MCOLN1: variants seen among roughly 807,000 people sequenced by gnomAD.
MCOLN1 encodes the protein mucolipin-1.
MCOLN1 carries 50 observed loss-of-function variants against 70.3 expected under a neutral mutation model. That is an observed-to-expected ratio of 0.71 (90% CI 0.57 to 0.90). The LOEUF is 0.90. MCOLN1 is among the 40% of genes least tolerant of loss of function. The pLI is 0.00. For missense variants in MCOLN1, 598 were observed against 803.5 expected (o/e 0.74, Z 3.09); for synonymous variants, 366 against 341.0 (o/e 1.07, Z -0.81).
rs1276726848 is a variant in MCOLN1, at chr19:7,529,092, C to G, written c.1135-9C>G. On this transcript the variant is annotated splice_polypyrimidine_tract_variant and intron_variant, in intron 9 of 13. Transcript: ENST00000264079. ...GGGCCAGATAGGTTGACGCAGCTCC[C>G]ACCCGCAGAACTTGGCGAGCTACGA... The G allele has an allele frequency of 1.2e-6, 2 of 1,613,766 alleles. No individual in the cohort carries two copies. The highest frequency in any genetic ancestry group is 3.3e-5 in the Admixed American group (2 of 60,002).
In MCOLN1 at chr19:7,528,658, C is replaced by T. The variant is rs970882029; in HGVS notation, c.939C>T (p.Phe313=). 6.2e-7 allele frequency: 1 copy of T among 1,614,232 alleles called. No individual in the cohort carries two copies. Among genetic ancestry groups the T allele is most frequent in the Middle Eastern group, 1.6e-4 (1 of 6,062 alleles). The change falls in exon 8 of 14, where the codon TTC becomes TTT. Residue 313 remains phenylalanine (F), a synonymous_variant. Transcript: ENST00000264079. The surrounding 1 kb of genome is among the most constrained non-coding windows in gnomAD (Gnocchi z 4.2). ...VVVILTCSLS[F]LLCARSLLRG... is the part of the protein sequence containing the mutation. ...TCATCCTCACCTGCTCCCTGTCCTT[C>T]CTCCTCTGCGCCCGCTCACTCCTTC...
rs981774676 is a variant in MCOLN1, at chr19:7,524,338, G to A, written c.32-623G>A. On this transcript the variant is annotated intron_variant, in intron 1 of 13. Transcript: ENST00000264079. This position sits in a 1 kb window ranked among gnomAD's most constrained non-coding sequence, Gnocchi z 4.1. ...AATGTGTTCCATTATTATTACTTATGTTGTCAATTACCTCTTCTCCAGGTC... is the reference window on the plus strand; with the variant it reads ...AATGTGTTCCATTATTATTACTTATATTGTCAATTACCTCTTCTCCAGGTC... 2.0e-5 allele frequency among the ~76,000 whole-genome samples: 3 copies of A among 152,192 alleles called. No individual in the cohort carries two copies. The highest frequency in any genetic ancestry group is 4.8e-5 in the African/African-American group (2 of 41,448).
chr19:7,532,494 C>T (rs1238941407), intron 12 of MCOLN1, among the ~76,000 whole-genome samples: 1 of 152,052 alleles, frequency 6.6e-6, no homozygotes, highest in East Asian at 1.9e-4. Context: ...GGGGGTGGAT[C>T]ACCTGAGGTT....
intron 11 of MCOLN1, among the ~76,000 whole-genome samples, 193 bp downstream of exon 11, chr19:7,529,905 C>T (rs1438157214): frequency 6.6e-6 from 1 of 152,214 alleles, no homozygotes; most frequent in Non-Finnish European, 1.5e-5. Context: ...CTGAATTACT[C>T]CCCTCCTGCT....
Position 7,522,792 on chromosome 19 carries a change from G to T in MCOLN1, c.31+11G>T. The T allele has an allele frequency of 7.5e-7, 1 of 1,334,814 alleles. No homozygotes were observed. The highest frequency in any genetic ancestry group is 9.5e-7 in the Non-Finnish European group (1 of 1,047,984). 82.7% of individuals were successfully genotyped at this position (1,334,814 alleles called of 1,614,324 possible). A position where few individuals can be genotyped will look rare whatever the true frequency, so the allele number is the denominator to read the frequency against. On this transcript the variant is annotated intron_variant, in intron 1 of 13. Transcript: ENST00000264079. ...GTCCGCGCGGCTCAGGTGAGGGCGC[G>T]GGCGGCACCGTGGGGCCCCGAACTC... is the stretch of plus-strand genomic sequence containing the variant.
In MCOLN1 at chr19:7,524,837, A is replaced by C; in HGVS notation, c.32-124A>C. 1.3e-6 allele frequency: 1 copy of C among 791,942 alleles called. No homozygotes were observed. Among genetic ancestry groups the C allele is most frequent in the South Asian group, 1.5e-5 (1 of 68,488 alleles). 49.1% of individuals were successfully genotyped at this position (791,942 alleles called of 1,614,324 possible). On this transcript the variant is annotated intron_variant, in intron 1 of 13. Transcript: ENST00000264079. This position sits in a 1 kb window ranked among gnomAD's most constrained non-coding sequence, Gnocchi z 4.1. ...TTTTCTGGTTTTCTTTAGACCTCTC[A>C]GAGCTCTTCCTTGGCAGGAGCATGG... is the stretch of plus-strand genomic sequence containing the variant.
At chr19:7,529,007 C>A in intron 9 of MCOLN1, 37 bp downstream of exon 9, 1 of 1,614,028 alleles carries the variant, frequency 6.2e-7, no homozygotes, top group Non-Finnish European at 8.5e-7. Context: ...CAGGTCCCAT[C>A]CCTGCTGTCA....
rs1257694529 is a variant in MCOLN1, at chr19:7,527,916, C to T, written c.733C>T (p.Leu245Phe). 3 of 1,614,096 alleles carry T rather than the reference C, an allele frequency of 1.9e-6. No homozygotes were observed. Among genetic ancestry groups the T allele is most frequent in the Non-Finnish European group, 1.7e-6 (2 of 1,180,038 alleles). ...FRLKTINLQS[L>F]INNEIPDCYT... The stretch of plus-strand genomic sequence containing the variant: ...GCTGAAGACCATTAACCTCCAGAGC[C>T]TCATCAATAATGAGATCCCGGACTG... Residue 245 changes from leucine to phenylalanine, a missense_variant, in exon 6 of 14, where the codon CTC becomes TTC. By Grantham distance (22) the Leu-to-Phe change is conservative. Around this residue, in one of 3 missense-constraint regions of MCOLN1, gnomAD observed 461 missense variants for 588.4 expected, o/e 0.78. Transcript: ENST00000264079.
intron 10 of MCOLN1, 144 bp from the exon 11 acceptor site, chr19:7,529,446 C>T: frequency 1.8e-6 from 2 of 1,118,110 alleles, no homozygotes; most frequent in Non-Finnish European, 2.6e-6. Flanking sequence ...CGTGGCCACG[C>T]CCCCTCTAGG....
At chr19:7,533,263 C>A (rs770579140) in intron 12 of MCOLN1, 4 of 584,056 alleles carry the variant, frequency 6.8e-6, no homozygotes, top group Non-Finnish European at 1.2e-5. Flanking sequence ...TCAGCCCTGG[C>A]TCTAGGTCTG....
chr19:7,528,242 A>C lies in MCOLN1; in HGVS notation c.862A>C (p.Ser288Arg). 1 of 1,614,010 alleles carries C rather than the reference A, an allele frequency of 6.2e-7. No homozygotes were observed. The highest frequency in any genetic ancestry group is 1.1e-5 in the South Asian group (1 of 91,084). The change falls in exon 7 of 14, where the codon AGT becomes CGT. Residue 288 changes from serine to arginine, a missense_variant. Ser to Arg is a moderately radical substitution (Grantham distance 110). Coordinates refer to ENST00000264079, the MANE Select transcript of MCOLN1 (RefSeq NM_020533.3). This position sits in a 1 kb window ranked among gnomAD's most constrained non-coding sequence, Gnocchi z 4.2. ...QAHIQECKHP[S>R]VFQHGDNSFR... ...CCACATCCAGGAGTGTAAGCACCCC[A>C]GTGTCTTCCAGCACGGTGAGCCCCT... is the stretch of plus-strand genomic sequence containing the variant.
In MCOLN1 at chr19:7,527,002, C is replaced by T. The variant is rs183200241; in HGVS notation, c.571+76C>T. The T allele has an allele frequency of 1.1e-3, 1,657 of 1,573,160 alleles. 20 individuals are homozygous for T. The African/African-American group carries it at 0.017, about 16-fold the overall frequency. On this transcript the variant is annotated intron_variant, in intron 4 of 13. Coordinates refer to ENST00000264079, the MANE Select transcript of MCOLN1 (RefSeq NM_020533.3). Reference sequence around the variant, plus strand: ...TAAAATCAACAGCTGTGGCTGGGCACGGTGGCTCACGCCTATAATACCAGC... The same window carrying T: ...TAAAATCAACAGCTGTGGCTGGGCATGGTGGCTCACGCCTATAATACCAGC...
chr19:7,531,329 T>C (rs1483762924), intron 12 of MCOLN1, among the ~76,000 whole-genome samples: 1 of 151,970 alleles, frequency 6.6e-6, no homozygotes, highest in African/African-American at 2.4e-5. Flanking sequence ...GCCTCCTGAG[T>C]AGCTGGGATT....
Position 7,526,595 on chromosome 19 carries a change from G to T in MCOLN1, c.394G>T (p.Ala132Ser), listed in dbSNP as rs1271844637. ...REQLYQAIFH[A>S]VDQYLALPDV... is the part of the protein sequence containing the mutation. ...GCAGCTGTACCAGGCCATCTTCCAT[G>T]CTGTGGACCAGGTGCTGGTGGGCGG... The change falls in exon 3 of 14, where the codon GCT becomes TCT. Residue 132 changes from alanine to serine, a missense_variant. Transcript: ENST00000264079. This position sits in a 1 kb window ranked among gnomAD's most constrained non-coding sequence, Gnocchi z 4.6. 1 of 1,613,202 alleles carries T rather than the reference G, an allele frequency of 6.2e-7. No individual in the cohort carries two copies. The highest frequency in any genetic ancestry group is 1.7e-5 in the Admixed American group (1 of 60,034).
Position 7,528,273 on chromosome 19 carries a change from C to T in MCOLN1, c.877+16C>T, listed in dbSNP as rs972186550. ...TTCCAGCACGGTGAGCCCCTGAGCC[C>T]CAGACCAGCACTGACCAGGGGCCCT... On this transcript the variant is annotated intron_variant, in intron 7 of 13. Transcript: ENST00000264079. This position sits in a 1 kb window ranked among gnomAD's most constrained non-coding sequence, Gnocchi z 4.2. 6.2e-7 allele frequency: 1 copy of T among 1,610,476 alleles called. No individual in the cohort carries two copies. Among genetic ancestry groups the T allele is most frequent in the African/African-American group, 1.3e-5 (1 of 74,976 alleles).
At chr19:7,530,716 A>G (rs1192617880) in intron 12 of MCOLN1, among the ~76,000 whole-genome samples, 4 of 152,234 alleles carry the variant, frequency 2.6e-5, no homozygotes, top group African/African-American at 9.6e-5. Flanking sequence ...AGTCTTTGCC[A>G]ACAGGGCAAC....
chr19:7,527,289 AAAAAAAC>A, intron 4 of MCOLN1: 1 of 552,468 alleles, frequency 1.8e-6, no homozygotes. Flanking sequence ...AAAAAAAAAA[AAAAAAAC>A]AAGTATGCTT....
At chr19:7,529,994 C>A (rs938621611) in intron 11 of MCOLN1, among the ~76,000 whole-genome samples, 1 of 152,230 alleles carries the variant, frequency 6.6e-6, no homozygotes, top group African/African-American at 2.4e-5. Flanking sequence ...GGACCCCAGC[C>A]TGGGACCTGG....
intron 12 of MCOLN1, among the ~76,000 whole-genome samples, chr19:7,532,908 C>T (rs894979271): frequency 3.3e-5 from 5 of 152,036 alleles, no homozygotes; most frequent in African/African-American, 1.2e-4. Flanking sequence ...GGGCAGTGCA[C>T]CGAGGGGAAG....
Sources: gnomAD v4.1 joint callset for allele counts (sites outside exome capture counted in the v4.1 genomes callset) on GRCh38, gnomAD v4.1.1 for gene constraint, gnomAD v4.1.1 regional missense constraint, Gnocchi (gnomAD v3.1) non-coding constraint, MANE v1.5 for transcripts, NCBI Gene and HGNC (gene_info 2026-07-23, HGNC 2026-07-21) for gene names.